MTFR1: variants seen among roughly 807,000 people sequenced by gnomAD.
The protein encoded by MTFR1 is mitochondrial fission regulator 1.
MTFR1 carries 28 observed loss-of-function variants against 38.8 expected under a neutral mutation model. The observed-to-expected ratio is 0.72, with a 90% confidence interval of 0.53 to 0.99. The LOEUF is 0.99. MTFR1 is among the 50% of genes least tolerant of loss of function. MTFR1 has a pLI of 0.00. For synonymous variants in MTFR1, 145 were observed against 137.0 expected (o/e 1.06, Z -0.41); for missense variants, 358 against 395.5 (o/e 0.91, Z 0.81).
intron 1 of MTFR1, among the ~76,000 whole-genome samples, chr8:65,666,360 C>T (rs1434726605): frequency 6.6e-6 from 1 of 152,184 alleles, no homozygotes; most frequent in Non-Finnish European, 1.5e-5. Flanking sequence ...GAGCTGAGAT[C>T]GCGCCACTGC....
chr8:65,654,255 T>G (rs41343545), intron 1 of MTFR1, among the ~76,000 whole-genome samples: 29,173 of 152,048 alleles, frequency 0.19, 2,954 homozygotes, highest in Middle Eastern at 0.23. Context: ...TCACCACTGT[T>G]TCTGTTACTT....
Position 65,685,667 on chromosome 8 carries a change from T to A in MTFR1, c.165+3216T>A, listed in dbSNP as rs867639071. The stretch of plus-strand genomic sequence containing the variant: ...CCTGAAATTCATATTTTATGCTAGG[T>A]GTTGGTATTGAGTGGTGAATGAAAC... On this transcript the variant is annotated intron_variant, in intron 3 of 7. Coordinates refer to ENST00000262146, the MANE Select transcript of MTFR1 (RefSeq NM_014637.4). Among the ~76,000 whole-genome samples the A allele has an allele frequency of 3.3e-5, 5 of 152,194 alleles. No homozygotes were observed. In the South Asian group the frequency reaches 6.2e-4, roughly 19 times the overall value.
At chr8:65,697,131 C>T (rs1476780627) in intron 4 of MTFR1, among the ~76,000 whole-genome samples, 1 of 151,238 alleles carries the variant, frequency 6.6e-6, no homozygotes, top group East Asian at 1.9e-4. Flanking sequence ...ATTACAGGCG[C>T]CTGCCTCCAT....
rs757015755 is a variant in MTFR1 at position 65,708,958 on chromosome 8, C to A, written c.934-18C>A. ...ACTTGAACCAATATCTTTATTTATA[C>A]TTTTTGTTTGTTTCTAGTTTGGGCC... is the stretch of plus-strand genomic sequence containing the variant. On this transcript the variant is annotated intron_variant, in intron 7 of 7. Coordinates refer to ENST00000262146, the MANE Select transcript of MTFR1 (RefSeq NM_014637.4). 6.2e-7 allele frequency: 1 copy of A among 1,612,088 alleles called. No individual in the cohort carries two copies. Among genetic ancestry groups the A allele is most frequent in the South Asian group, 1.1e-5 (1 of 91,036 alleles).
intron 3 of MTFR1, among the ~76,000 whole-genome samples, chr8:65,749,216 A>T (rs60589458): frequency 0.18 from 26,897 of 152,232 alleles, 3,099 homozygotes; most frequent in East Asian, 0.52. Flanking sequence ...TGACTTTCAG[A>T]ACAGGCATGA....
intron 3 of MTFR1, chr8:65,727,870 T>C (rs1356851176): frequency 6.6e-6 from 1 of 152,194 alleles, no homozygotes; most frequent in Non-Finnish European, 1.5e-5. Flanking sequence ...TTCATAACAA[T>C]GATACAATGT....
chr8:65,662,132 C>A, intron 1 of MTFR1, among the ~76,000 whole-genome samples: 1 of 148,970 alleles, frequency 6.7e-6, no homozygotes, highest in Non-Finnish European at 1.5e-5. Context: ...TTTCCACGGT[C>A]TCCCTCTGAT....
intron 3 of MTFR1, among the ~76,000 whole-genome samples, chr8:65,751,626 A>G (rs938978739): frequency 6.6e-6 from 1 of 152,042 alleles, no homozygotes; most frequent in African/African-American, 2.4e-5. Flanking sequence ...TCAAGTAGCT[A>G]GGATTACAGG....
intron 3 of MTFR1, chr8:65,747,692 G>C: frequency 6.2e-7 from 1 of 1,611,198 alleles, no homozygotes; most frequent in Non-Finnish European, 8.5e-7. Flanking sequence ...AATGTTTAGG[G>C]AATTTGAAAC....
At chr8:65,724,407 C>A in intron 3 of MTFR1, 1 of 1,139,310 alleles carries the variant, frequency 8.8e-7, no homozygotes, top group Non-Finnish European at 1.3e-6. Context: ...GACAATAATA[C>A]CAAAGAACCA....
intron 1 of MTFR1, among the ~76,000 whole-genome samples, chr8:65,665,767 G>A (rs1187286938): frequency 6.6e-6 from 1 of 152,144 alleles, no homozygotes; most frequent in Admixed American, 6.6e-5. Flanking sequence ...GGGACTTCAG[G>A]CATGCAACGT....
At chr8:65,730,304 C>T (rs1001655318) in intron 3 of MTFR1, among the ~76,000 whole-genome samples, 2 of 150,724 alleles carry the variant, frequency 1.3e-5, no homozygotes, top group Non-Finnish European at 3.0e-5. Context: ...CCTCAGCCTC[C>T]CAAGTAGCTG....
At chr8:65,754,025 A>G (rs1026214224) in intron 3 of MTFR1, among the ~76,000 whole-genome samples, 5 of 152,098 alleles carry the variant, frequency 3.3e-5, no homozygotes, top group Admixed American at 1.3e-4. Context: ...GGAGTTAAGT[A>G]TTAACTCACA....
chr8:65,668,744 C>A (rs1804472301), intron 1 of MTFR1, among the ~76,000 whole-genome samples: 1 of 152,086 alleles, frequency 6.6e-6, no homozygotes, highest in African/African-American at 2.4e-5. Context: ...AAACTCCTGA[C>A]CTCAAGCAAT....
In MTFR1 at chr8:65,709,926, A is replaced by G. The variant is rs1324317464; in HGVS notation, c.*882A>G. On this transcript the variant is annotated 3_prime_UTR_variant, in exon 8 of 8. Transcript: ENST00000262146. ...AATATAAGCCAAAATATTAACTTTA[A>G]TGAAACATTGACTTGGCAAATGAAT... The G allele has an allele frequency of 1.3e-5, 2 of 152,648 alleles. No homozygotes were observed. Among genetic ancestry groups the G allele is most frequent in the African/African-American group, 4.8e-5 (2 of 41,462 alleles). The allele number at this position is 152,648 out of a possible 1,614,324, so 9.5% of individuals were successfully genotyped here. A position where few individuals can be genotyped will look rare whatever the true frequency, so the allele number is the denominator to read the frequency against.
chr8:65,682,365 A>T lies in MTFR1; in HGVS notation c.79A>T (p.Arg27Trp). 1 of 1,565,910 alleles carries T rather than the reference A, an allele frequency of 6.4e-7. No homozygotes were observed. Among genetic ancestry groups the T allele is most frequent in the Non-Finnish European group, 8.7e-7 (1 of 1,155,060 alleles). The change falls in exon 3 of 8, where the codon AGG (arginine) becomes TGG (tryptophan). Residue 27 changes from arginine to tryptophan, a missense_variant. Transcript: ENST00000262146. Reference sequence around the variant, plus strand: ...CCTACTTCCTCAGGTACTTTGGTCTAGGAAGCCATATGGTTCGTCTCGAAG... The same window carrying T: ...CCTACTTCCTCAGGTACTTTGGTCTTGGAAGCCATATGGTTCGTCTCGAAG... ...GVSMQSVLWS[R>W]KPYGSSRSIV... is the part of the protein sequence containing the mutation.
intron 1 of MTFR1, among the ~76,000 whole-genome samples, chr8:65,650,889 A>G (rs919193867): frequency 1.8e-4 from 27 of 152,186 alleles, no homozygotes; most frequent in African/African-American, 5.3e-4. Flanking sequence ...ACCGTTCTCT[A>G]TAGTGGTTGA....
chr8:65,662,061 CTCTCCCTCTCTTTCCACAG>C (rs1809439327), intron 1 of MTFR1, among the ~76,000 whole-genome samples: 2 of 83,496 alleles, frequency 2.4e-5, no homozygotes, highest in African/African-American at 8.1e-5. Flanking sequence ...CTCCCTCTCT[CTCTCCCTCTCTTTCCACAG>C]TCTCCCTCTC....
chr8:65,770,121 CTGTGTGTG>C (rs10608556), intron 3 of MTFR1, among the ~76,000 whole-genome samples: 5,903 of 146,510 alleles, frequency 0.04, 119 homozygotes, highest in African/African-American at 0.06. Flanking sequence ...CAGTATACTT[CTGTGTGTG>C]TGTGTGTGTG....
Sources: allele counts gnomAD v4.1 joint callset (sites outside exome capture counted in the v4.1 genomes callset), GRCh38; gene constraint gnomAD v4.1.1; transcripts MANE v1.5; gene names NCBI Gene and HGNC (gene_info 2026-07-23, HGNC 2026-07-21).